The following ROBO1 variants were observed in gnomAD, a reference collection of about 807,000 sequenced individuals.
ROBO1 encodes the protein roundabout homolog 1.
Under a neutral mutation model 195.9 loss-of-function variants are expected in ROBO1, and 149 were observed. The ratio of observed to expected loss-of-function variants is 0.76; its 90% CI spans 0.67 to 0.87. The LOEUF is 0.87. Among genes scored for constraint, ROBO1 ranks in the 40% least tolerant of loss-of-function variants. ROBO1 has a pLI of 0.00. For missense variants in ROBO1, 1,933 were observed against 2,068.3 expected, an observed-to-expected ratio of 0.93 and a Z score of 1.27; for synonymous variants, 816 against 733.2, an observed-to-expected ratio of 1.11 and a Z score of -1.82.
intron 3 of ROBO1, among the ~76,000 whole-genome samples, chr3:78,964,084 C>T (rs1224244749): frequency 6.6e-6 from 1 of 152,080 alleles, no homozygotes; most frequent in African/African-American, 2.4e-5. Context: ...CCTGGCAGTT[C>T]CCCGGCGGCT....
chr3:79,631,186 C>T (rs1485686229), intron 1 of ROBO1, among the ~76,000 whole-genome samples: 1 of 151,542 alleles, frequency 6.6e-6, no homozygotes, highest in East Asian at 1.9e-4. Context: ...CCTGCATTAC[C>T]TCAAAAAACA....
At chr3:79,137,337 G>A (rs1314726655) in intron 2 of ROBO1, among the ~76,000 whole-genome samples, 1 of 151,864 alleles carries the variant, frequency 6.6e-6, no homozygotes, top group Non-Finnish European at 1.5e-5. Flanking sequence ...TTAATGGAGA[G>A]TAGGTAATTT....
intron 2 of ROBO1, among the ~76,000 whole-genome samples, chr3:79,214,827 T>TATA (rs3057982): frequency 0.02 from 2,265 of 115,910 alleles, 54 homozygotes; most frequent in African/African-American, 0.074. Flanking sequence ...TATATATATA[T>TATA]TTTTTTTTTT....
intron 1 of ROBO1, among the ~76,000 whole-genome samples, chr3:79,755,669 A>G (rs182673022): frequency 6.6e-6 from 1 of 152,334 alleles, no homozygotes; most frequent in African/African-American, 2.4e-5. Context: ...TAAGAAGAAA[A>G]AAAAACAAGA....
At chr3:79,565,397 T>C (rs1215017328) in intron 2 of ROBO1, among the ~76,000 whole-genome samples, 21 of 151,986 alleles carry the variant, frequency 1.4e-4, no homozygotes, top group Admixed American at 1.4e-3. Flanking sequence ...AAAGTGATAC[T>C]GTATTACTAT....
chr3:79,759,090 T>C lies in ROBO1; in HGVS notation c.-51+8662A>G, dbSNP rs1198433832. Reference sequence around the variant, plus strand: ...AAATTAATACCCAATATTTAAATAATCCAATACTTGTTTAGCACAAAGCAT... The same window carrying C: ...AAATTAATACCCAATATTTAAATAACCCAATACTTGTTTAGCACAAAGCAT... On this transcript the variant is annotated intron_variant, in intron 1 of 30. Transcript: ENST00000464233. Among the ~76,000 whole-genome samples the C allele has an allele frequency of 6.1e-5, 9 of 146,596 alleles. No homozygotes were observed. The Admixed American group carries it at 6.2e-4, about 10-fold the overall frequency.
At chr3:78,779,408 A>G (rs1456254788) in intron 4 of ROBO1, among the ~76,000 whole-genome samples, 1 of 152,202 alleles carries the variant, frequency 6.6e-6, no homozygotes, top group East Asian at 1.9e-4. Flanking sequence ...ACAAACTTAC[A>G]AGAAAAAAGC....
At chr3:78,964,289 C>T (rs1336107028) in intron 3 of ROBO1, among the ~76,000 whole-genome samples, 10 of 152,066 alleles carry the variant, frequency 6.6e-5, no homozygotes, top group African/African-American at 1.9e-4. Flanking sequence ...CAGATACCAG[C>T]GGTTAGGCCT....
chr3:79,421,313 AC>A (rs2038214215), intron 2 of ROBO1, among the ~76,000 whole-genome samples: 1 of 151,642 alleles, frequency 6.6e-6, no homozygotes, highest in African/African-American at 2.4e-5. Flanking sequence ...TGTATAATAA[AC>A]CCCCATGACA....
chr3:79,513,416 A>G (rs1465410759), intron 2 of ROBO1, among the ~76,000 whole-genome samples: 2 of 152,054 alleles, frequency 1.3e-5, no homozygotes, highest in African/African-American at 4.8e-5. Context: ...AGGAGCAGCA[A>G]GAGGGGAAAA....
chr3:79,408,071 C>T (rs1046757009), intron 2 of ROBO1, among the ~76,000 whole-genome samples: 1 of 151,684 alleles, frequency 6.6e-6, no homozygotes, highest in African/African-American at 2.4e-5. Context: ...ATTGGGTTAG[C>T]GAGGAGTGGT....
At chr3:79,402,082 T>A (rs1201095022) in intron 2 of ROBO1, among the ~76,000 whole-genome samples, 3 of 151,902 alleles carry the variant, frequency 2.0e-5, no homozygotes, top group Non-Finnish European at 2.9e-5. Flanking sequence ...TGTGTTTTTT[T>A]AAGCTTTGAG....
intron 4 of ROBO1, among the ~76,000 whole-genome samples, chr3:78,877,287 T>C (rs1222698658): frequency 6.6e-6 from 1 of 151,958 alleles, no homozygotes; most frequent in African/African-American, 2.4e-5. Flanking sequence ...CAAGAATACA[T>C]CTATTGAGAA....
At chr3:79,717,383 G>T (rs1405499685) in intron 1 of ROBO1, among the ~76,000 whole-genome samples, 1 of 151,866 alleles carries the variant, frequency 6.6e-6, no homozygotes, top group Non-Finnish European at 1.5e-5. Context: ...ATGATAAAAT[G>T]CCAGACAATT....
At chr3:79,738,218 A>G (rs1485301441) in intron 1 of ROBO1, among the ~76,000 whole-genome samples, 1 of 152,106 alleles carries the variant, frequency 6.6e-6, no homozygotes. Context: ...ACAATAAACA[A>G]TTTTCCCACC....
In ROBO1 at chr3:78,998,926, A is replaced by G. The variant is rs111598956; in HGVS notation, c.173-59999T>C. On this transcript the variant is annotated intron_variant, in intron 3 of 30. Transcript: ENST00000464233. Reference sequence around the variant, plus strand: ...AGTCTACTTAACACAGAATATCTTCATATTCTGTGATATACAAGTGGCCAG... The same window carrying G: ...AGTCTACTTAACACAGAATATCTTCGTATTCTGTGATATACAAGTGGCCAG... Among the ~76,000 whole-genome samples, 103 of 152,162 alleles carry G rather than the reference A, an allele frequency of 6.8e-4. 2 individuals carry two copies. Among genetic ancestry groups the G allele is most frequent in the African/African-American group, 2.4e-3 (101 of 41,528 alleles).
chr3:79,274,058 A>T (rs2030806260), intron 2 of ROBO1, among the ~76,000 whole-genome samples: 1 of 152,068 alleles, frequency 6.6e-6, no homozygotes, highest in South Asian at 2.1e-4. Flanking sequence ...CCCCAACATA[A>T]TAATAGCTGG....
intron 1 of ROBO1, among the ~76,000 whole-genome samples, chr3:79,670,400 T>A (rs1946598325): frequency 7.2e-6 from 1 of 139,466 alleles, no homozygotes; most frequent in Admixed American, 6.9e-5. Flanking sequence ...AGCAAAAAAT[T>A]CTATCTACAC....
At chr3:79,137,467 A>C (rs1172268646) in intron 2 of ROBO1, among the ~76,000 whole-genome samples, 1 of 152,026 alleles carries the variant, frequency 6.6e-6, no homozygotes, top group African/African-American at 2.4e-5. Flanking sequence ...TGATTAGATA[A>C]CTGAATGAAT....
Sources: gnomAD v4.1 joint callset for allele counts (sites outside exome capture counted in the v4.1 genomes callset) on GRCh38, gnomAD v4.1.1 for gene constraint, MANE v1.5 for transcripts, NCBI Gene and HGNC (gene_info 2026-07-23, HGNC 2026-07-21) for gene names.